TSPAN14: variants seen among roughly 807,000 people sequenced by gnomAD.
TSPAN14 encodes the protein tetraspanin-14.
TSPAN14 carries 16 observed loss-of-function variants against 36.6 expected under a neutral mutation model. That is an observed-to-expected ratio of 0.44 (90% CI 0.30 to 0.66). The LOEUF is 0.66. Among genes scored for constraint, TSPAN14 ranks in the 30% least tolerant of loss-of-function variants. The pLI, the probability that TSPAN14 is intolerant of heterozygous loss-of-function variation, is 0.12. For synonymous variants in TSPAN14, 139 were observed against 143.8 expected, an observed-to-expected ratio of 0.97 and a Z score of 0.24; for missense variants, 231 against 355.1, an observed-to-expected ratio of 0.65 and a Z score of 2.81.
At chr10:80,493,919 G>A (rs1202690831) in intron 2 of TSPAN14, among the ~76,000 whole-genome samples, 4 of 152,182 alleles carry the variant, frequency 2.6e-5, no homozygotes, top group Non-Finnish European at 2.9e-5. Flanking sequence ...TAAGTTTGCC[G>A]AGTGAATCCT....
chr10:80,509,185 C>G lies in TSPAN14; in HGVS notation c.280-116C>G. The stretch of plus-strand genomic sequence containing the variant: ...TTCTGGGGCCCCGATGTGGGACTCT[C>G]AGGTGCAGAGCCCACGCTCTGCTGA... On this transcript the variant is annotated intron_variant, in intron 4 of 8. Transcript: ENST00000429989. This position sits in a 1 kb window ranked among gnomAD's most constrained non-coding sequence, Gnocchi z 4.7. The G allele has an allele frequency of 8.7e-7, 1 of 1,153,982 alleles. No individual in the cohort carries two copies. The highest frequency in any genetic ancestry group is 1.2e-6 in the Non-Finnish European group (1 of 815,962). 71.5% of individuals were successfully genotyped at this position (1,153,982 alleles called of 1,614,324 possible). A position where few individuals can be genotyped will look rare whatever the true frequency, so the allele number is the denominator to read the frequency against.
intron 2 of TSPAN14, among the ~76,000 whole-genome samples, chr10:80,490,219 C>T (rs1377294774): frequency 6.6e-6 from 1 of 152,030 alleles, no homozygotes; most frequent in African/African-American, 2.4e-5. Flanking sequence ...AGAAGGGGTA[C>T]ATTTAAGTTA....
chr10:80,502,627 G>A (rs1312790978), intron 2 of TSPAN14, among the ~76,000 whole-genome samples: 1 of 152,062 alleles, frequency 6.6e-6, no homozygotes, highest in Middle Eastern at 3.2e-3. Context: ...TGGTGCCACT[G>A]AATGAGACGG....
chr10:80,499,435 C>T (rs916251355), intron 2 of TSPAN14, among the ~76,000 whole-genome samples: 2 of 152,180 alleles, frequency 1.3e-5, no homozygotes, highest in Admixed American at 6.5e-5. Flanking sequence ...TGGGACACAG[C>T]GTGGTCTCAC....
chr10:80,499,962 C>G (rs149988614), intron 2 of TSPAN14, among the ~76,000 whole-genome samples: 1 of 152,194 alleles, frequency 6.6e-6, no homozygotes, highest in South Asian at 2.1e-4. Context: ...AACCCTCACT[C>G]CCAGAAGATT....
intron 1 of TSPAN14, among the ~76,000 whole-genome samples, chr10:80,467,387 A>G (rs73305144): frequency 0.14 from 21,012 of 152,128 alleles, 2,180 homozygotes; most frequent in African/African-American, 0.3. Flanking sequence ...GCAGCTCAGT[A>G]TTCTTTCTGG....
chr10:80,495,943 C>T (rs1209713681), intron 2 of TSPAN14, among the ~76,000 whole-genome samples: 1 of 152,182 alleles, frequency 6.6e-6, no homozygotes, highest in Admixed American at 6.5e-5. Flanking sequence ...CTACCCCTTC[C>T]CTGGGTGATG....
At chr10:80,461,146 C>G (rs73305130) in intron 1 of TSPAN14, among the ~76,000 whole-genome samples, 13,269 of 152,218 alleles carry the variant, frequency 0.087, 602 homozygotes, top group African/African-American at 0.12. Flanking sequence ...CTCCTGTCTA[C>G]TTGATCAGAC....
intron 1 of TSPAN14, among the ~76,000 whole-genome samples, chr10:80,478,977 T>C (rs1036096456): frequency 1.3e-5 from 2 of 152,126 alleles, no homozygotes; most frequent in African/African-American, 4.8e-5. Flanking sequence ...TTTTAATGAT[T>C]GCCATTCTAA....
intron 1 of TSPAN14, among the ~76,000 whole-genome samples, chr10:80,454,737 C>T (rs981857903): frequency 6.6e-6 from 1 of 152,164 alleles, no homozygotes; most frequent in Non-Finnish European, 1.5e-5. Flanking sequence ...GGAGCCTGGA[C>T]GGCCGCTGCT....
exon 9 of TSPAN14, chr10:80,520,392 T>C: frequency 7.5e-6 from 3 of 402,396 alleles, no homozygotes; most frequent in Non-Finnish European, 1.5e-5. Flanking sequence ...CACGTGGCAG[T>C]CTCCGCCCAG....
intron 1 of TSPAN14, among the ~76,000 whole-genome samples, chr10:80,482,038 C>G (rs941847467): frequency 6.6e-6 from 1 of 152,178 alleles, no homozygotes; most frequent in African/African-American, 2.4e-5. Context: ...CAGGCGTGAG[C>G]CACTGCGCTC....
Position 80,458,292 on chromosome 10 carries a change from C to T in TSPAN14, c.-18+3921C>T, listed in dbSNP as rs1845821891. The stretch of plus-strand genomic sequence containing the variant: ...GATGGGATTGAGTGTGGGGCTAGAT[C>T]CCTGGTCTGTAGAAGGGAGTAGGAA... On this transcript the variant is annotated intron_variant, in intron 1 of 8. Coordinates refer to ENST00000429989, the Ensembl canonical transcript of TSPAN14. 2.6e-5 allele frequency among the ~76,000 whole-genome samples: 4 copies of T among 152,100 alleles called. No homozygotes were observed. The South Asian group carries it at 8.3e-4, about 31-fold the overall frequency.
At position 80,507,951 on chromosome 10, in the gene TSPAN14, C is replaced by A. The variant is rs1188900295; in HGVS notation, c.279+577C>A. 2.0e-5 allele frequency among the ~76,000 whole-genome samples: 3 copies of A among 151,748 alleles called. No homozygotes were observed. In the East Asian group the frequency reaches 5.8e-4, roughly 29 times the overall value. ...TGTTGACTTCATTAGATCAAGCTTT[C>A]TTTTTCTTGGACATAATTTTAAAAG... On this transcript the variant is annotated intron_variant, in intron 4 of 8. Transcript: ENST00000429989.
chr10:80,463,248 G>A (rs1007108656), intron 1 of TSPAN14: 4 of 152,114 alleles, frequency 2.6e-5, no homozygotes, highest in East Asian at 1.9e-4. Flanking sequence ...AGACAGCTAC[G>A]GGTAAAATTG....
intron 1 of TSPAN14, among the ~76,000 whole-genome samples, chr10:80,462,447 T>G (rs1333444426): frequency 6.6e-6 from 1 of 152,074 alleles, no homozygotes; most frequent in Non-Finnish European, 1.5e-5. Context: ...TACACATCTC[T>G]CACTCAAATG....
exon 9 of TSPAN14, chr10:80,518,493 G>C (rs887420218): frequency 3.5e-5 from 6 of 173,686 alleles, no homozygotes; most frequent in Admixed American, 3.3e-4. Context: ...CTGGGCCTCT[G>C]AGTGCCAGCG....
chr10:80,499,913 G>A (rs1848399319), intron 2 of TSPAN14, among the ~76,000 whole-genome samples: 1 of 118,950 alleles, frequency 8.4e-6, no homozygotes, highest in African/African-American at 2.8e-5. Context: ...ATGGGAGGGA[G>A]ACAAAGAAGG....
intron 2 of TSPAN14, among the ~76,000 whole-genome samples, chr10:80,496,378 T>C (rs1838977672): frequency 1.3e-5 from 2 of 152,216 alleles, no homozygotes; most frequent in Non-Finnish European, 2.9e-5. Context: ...ATATGCATAC[T>C]CTATGAACTG....
Sources: allele counts gnomAD v4.1 joint callset (sites outside exome capture counted in the v4.1 genomes callset), GRCh38; gene constraint gnomAD v4.1.1; non-coding constraint Gnocchi (gnomAD v3.1); transcripts MANE v1.5; gene names NCBI Gene and HGNC (gene_info 2026-07-23, HGNC 2026-07-21).